The following TRAPPC9 variants were observed in gnomAD, a reference collection of about 807,000 sequenced individuals.
TRAPPC9 encodes trafficking protein particle complex subunit 9, also known as IKK2 binding protein.
A neutral mutation model predicts 124.0 loss-of-function variants in TRAPPC9; 83 were observed. The ratio of observed to expected loss-of-function variants is 0.67; its 90% CI spans 0.56 to 0.80. The LOEUF is 0.80. TRAPPC9 is among the 30% of genes least tolerant of loss of function. TRAPPC9 has a pLI of 0.00. For missense variants in TRAPPC9, 1,302 were observed against 1,508.3 expected, an observed-to-expected ratio of 0.86 and a Z score of 2.27; for synonymous variants, 638 against 617.5, an observed-to-expected ratio of 1.03 and a Z score of -0.49.
At chr8:139,909,952 C>G (rs925135182) in intron 20 of TRAPPC9, among the ~76,000 whole-genome samples, 195 bp downstream of exon 20, 1 of 152,230 alleles carries the variant, frequency 6.6e-6, no homozygotes, top group African/African-American at 2.4e-5. Flanking sequence ...CCAATCAATA[C>G]TGCTCCGAGT....
At position 140,102,168 on chromosome 8, in the gene TRAPPC9, G is replaced by C. The variant is rs116486329; in HGVS notation, c.2557-78089C>G. 6.3e-3 allele frequency among the ~76,000 whole-genome samples: 964 copies of C among 152,256 alleles called. 12 individuals are homozygous for C. The highest frequency in any genetic ancestry group is 0.022 in the African/African-American group (920 of 41,536). Reference sequence around the variant, plus strand: ...ATGTAACTTATGATGCTTTGTAAGAGACAATAAATGTGGTATTTGGGGTTG... The same window carrying C: ...ATGTAACTTATGATGCTTTGTAAGACACAATAAATGTGGTATTTGGGGTTG... On this transcript the variant is annotated intron_variant, in intron 17 of 22. Coordinates refer to ENST00000438773, the MANE Select transcript of TRAPPC9 (RefSeq NM_001160372.4).
At position 139,805,260 on chromosome 8, in the gene TRAPPC9, G is replaced by A. The variant is rs370585255; in HGVS notation, c.3056-73058C>T. 7.2e-5 allele frequency among the ~76,000 whole-genome samples: 11 copies of A among 152,334 alleles called. 1 individual carries two copies. Among genetic ancestry groups the A allele is most frequent in the Non-Finnish European group, 1.2e-4 (8 of 68,036 alleles). On this transcript the variant is annotated intron_variant, in intron 21 of 22. Transcript: ENST00000438773. ...GTGGCTTTGTGGAATCTAGCGTGGC[G>A]TGAGGTGTGCCTGGGCTGCCTCCTG...
intron 9 of TRAPPC9, among the ~76,000 whole-genome samples, chr8:140,327,210 G>A (rs1156291127): frequency 2.0e-5 from 3 of 151,994 alleles, no homozygotes; most frequent in Non-Finnish European, 4.4e-5. Context: ...CTGAGATCAC[G>A]CCACTGCACT....
chr8:140,163,025 A>C (rs2061776901), intron 17 of TRAPPC9, among the ~76,000 whole-genome samples: 1 of 152,216 alleles, frequency 6.6e-6, no homozygotes, highest in Admixed American at 6.5e-5. Flanking sequence ...GGTAAATTTT[A>C]CATTATTTGT....
intron 17 of TRAPPC9, among the ~76,000 whole-genome samples, chr8:140,049,916 C>A (rs1841874697): frequency 6.6e-6 from 1 of 152,238 alleles, no homozygotes; most frequent in African/African-American, 2.4e-5. Flanking sequence ...ACAACTCAGT[C>A]CCCAAACTGG....
intron 19 of TRAPPC9, among the ~76,000 whole-genome samples, chr8:139,912,639 T>C (rs1472719457): frequency 2.6e-5 from 4 of 152,238 alleles, no homozygotes; most frequent in Non-Finnish European, 4.4e-5. Flanking sequence ...CTGCCAATAC[T>C]GGCGATGATC....
chr8:139,801,365 C>T (rs145327815), intron 21 of TRAPPC9, among the ~76,000 whole-genome samples: 227 of 152,352 alleles, frequency 1.5e-3, no homozygotes, highest in African/African-American at 5.4e-3. Flanking sequence ...AGCCAGGGTG[C>T]TCACCAGGAG....
intron 9 of TRAPPC9, among the ~76,000 whole-genome samples, chr8:140,312,999 A>T (rs1435498763): frequency 1.3e-5 from 2 of 152,068 alleles, no homozygotes; most frequent in Non-Finnish European, 2.9e-5. Context: ...GGCTCAAGTG[A>T]TCCCCCCACC....
chr8:140,086,344 T>G (rs987543692), intron 17 of TRAPPC9, among the ~76,000 whole-genome samples: 1 of 151,690 alleles, frequency 6.6e-6, no homozygotes, highest in African/African-American at 2.4e-5. Flanking sequence ...AGAAGCGGGG[T>G]AGAAATGGAA....
intron 16 of TRAPPC9, among the ~76,000 whole-genome samples, chr8:140,244,800 C>CTT (rs1162364645): frequency 9.5e-3 from 857 of 90,076 alleles, no homozygotes; most frequent in Non-Finnish European, 0.014. Flanking sequence ...TTTCCAATTC[C>CTT]TTTTTTTTTT....
intron 16 of TRAPPC9, among the ~76,000 whole-genome samples, chr8:140,228,101 G>C (rs2063497767): frequency 6.6e-6 from 1 of 152,192 alleles, no homozygotes; most frequent in Non-Finnish European, 1.5e-5. Context: ...TCCAGTGGTG[G>C]GATCTATGCA....
chr8:139,891,604 G>C (rs1358321968), intron 20 of TRAPPC9, among the ~76,000 whole-genome samples: 1 of 152,216 alleles, frequency 6.6e-6, no homozygotes, highest in Non-Finnish European at 1.5e-5. Flanking sequence ...GTGGCCACGG[G>C]CCAGGTGGGA....
intron 19 of TRAPPC9, among the ~76,000 whole-genome samples, chr8:139,910,754 C>T (rs1225411520): frequency 1.4e-5 from 2 of 147,578 alleles, no homozygotes; most frequent in African/African-American, 5.2e-5. Context: ...CCATTTCCTT[C>T]TCAGGCCAGG....
intron 21 of TRAPPC9, among the ~76,000 whole-genome samples, chr8:139,763,484 T>C (rs1820371402): frequency 7.1e-6 from 1 of 141,054 alleles, no homozygotes; most frequent in Non-Finnish European, 1.6e-5. Context: ...ATAGCAAATA[T>C]TCACTGAGCA....
At chr8:139,942,814 C>T (rs1307779327) in intron 19 of TRAPPC9, among the ~76,000 whole-genome samples, 2 of 152,066 alleles carry the variant, frequency 1.3e-5, no homozygotes, top group East Asian at 1.9e-4. Context: ...AACGAAAGCT[C>T]GGGGAGAGAC....
At position 139,728,384 on chromosome 8, in the gene TRAPPC9, G is replaced by T. The variant is rs758528536; in HGVS notation, c.*2677C>A. Among the ~76,000 whole-genome samples, 1 of 152,208 alleles carries T rather than the reference G, an allele frequency of 6.6e-6. No homozygotes were observed. Among genetic ancestry groups the T allele is most frequent in the Non-Finnish European group, 1.5e-5 (1 of 68,038 alleles). Reference sequence around the variant, plus strand: ...TGGCTTACCCTCCGCTGGCCTTCAGGAGGTTTCTGAATGCACCAGGGGCCT... The same window carrying T: ...TGGCTTACCCTCCGCTGGCCTTCAGTAGGTTTCTGAATGCACCAGGGGCCT... On this transcript the variant is annotated 3_prime_UTR_variant, in exon 23 of 23. Coordinates refer to ENST00000438773, the MANE Select transcript of TRAPPC9 (RefSeq NM_001160372.4).
chr8:140,099,421 A>G (rs1334868900), intron 17 of TRAPPC9: 1 of 151,950 alleles, frequency 6.6e-6, no homozygotes, highest in Non-Finnish European at 1.5e-5. Context: ...GGAGTGCCGC[A>G]ATCCTCAGGG....
intron 17 of TRAPPC9, among the ~76,000 whole-genome samples, chr8:140,197,412 G>C (rs1418479487): frequency 6.6e-6 from 1 of 151,778 alleles, no homozygotes; most frequent in Admixed American, 6.6e-5. Context: ...TTGCAGATGA[G>C]AGCCGTGAGG....
intron 19 of TRAPPC9, among the ~76,000 whole-genome samples, chr8:139,925,722 T>C (rs1832769853): frequency 6.8e-6 from 1 of 147,212 alleles, no homozygotes. Context: ...CACTTGAGCC[T>C]GGGCAACAGA....
Sources: allele counts gnomAD v4.1 joint callset (sites outside exome capture counted in the v4.1 genomes callset), GRCh38; gene constraint gnomAD v4.1.1; transcripts MANE v1.5; gene names NCBI Gene and HGNC (gene_info 2026-07-23, HGNC 2026-07-21).